The following LRRTM4 variants were observed in gnomAD, a reference collection of about 807,000 sequenced individuals.
LRRTM4 encodes the protein leucine rich repeat transmembrane neuronal 4.
A neutral mutation model predicts 47.6 loss-of-function variants in LRRTM4; 25 were observed. The ratio of observed to expected loss-of-function variants is 0.53; its 90% CI spans 0.38 to 0.73. The LOEUF is 0.73. Ranked by LOEUF, LRRTM4 falls within the 30% of genes least tolerant of loss-of-function variation. The pLI is 0.00. For missense variants in LRRTM4, 638 were observed against 713.4 expected (o/e 0.89, Z 1.20); for synonymous variants, 311 against 269.5 (o/e 1.15, Z -1.51).
intron 3 of LRRTM4, among the ~76,000 whole-genome samples, chr2:77,123,000 G>T (rs575590612): frequency 2.0e-5 from 3 of 151,792 alleles, no homozygotes; most frequent in African/African-American, 4.8e-5. Flanking sequence ...AAAATTACTG[G>T]CATGGCTCAA....
At chr2:77,309,730 GATA>G (rs1677398835) in intron 3 of LRRTM4, among the ~76,000 whole-genome samples, 6 of 130,786 alleles carry the variant, frequency 4.6e-5, no homozygotes, top group Non-Finnish European at 6.7e-5. Flanking sequence ...TAGATAGATA[GATA>G]TAACAAAAGG....
intron 3 of LRRTM4, among the ~76,000 whole-genome samples, chr2:77,294,809 C>G (rs1289587143): frequency 6.6e-6 from 1 of 151,846 alleles, no homozygotes; most frequent in Non-Finnish European, 1.5e-5. Context: ...ACAGGGAACT[C>G]GAAATGACAC....
chr2:77,358,858 T>C (rs1235340496), intron 3 of LRRTM4, among the ~76,000 whole-genome samples: 2 of 152,192 alleles, frequency 1.3e-5, no homozygotes, highest in African/African-American at 4.8e-5. Flanking sequence ...AGGGCAATTG[T>C]GTATGGTGGC....
At chr2:76,888,629 T>C (rs530645906) in intron 3 of LRRTM4, among the ~76,000 whole-genome samples, 41 of 151,930 alleles carry the variant, frequency 2.7e-4, no homozygotes, top group African/African-American at 8.7e-4. Context: ...ATTACCCAGT[T>C]TCAAATTATA....
intron 3 of LRRTM4, among the ~76,000 whole-genome samples, chr2:77,119,884 G>T (rs991659206): frequency 3.3e-5 from 5 of 151,724 alleles, no homozygotes; most frequent in Non-Finnish European, 5.9e-5. Context: ...ATTGGTCTAG[G>T]ATGTATTGTA....
chr2:77,303,573 G>A (rs1468180186), intron 3 of LRRTM4, among the ~76,000 whole-genome samples: 1 of 152,062 alleles, frequency 6.6e-6, no homozygotes. Context: ...ATACTACTCT[G>A]TCCTCAACAC....
chr2:77,073,972 C>T (rs774606428), intron 3 of LRRTM4, among the ~76,000 whole-genome samples: 24 of 151,964 alleles, frequency 1.6e-4, no homozygotes, highest in East Asian at 9.7e-4. Context: ...ATGCACTCTT[C>T]GTTAGTTCTA....
rs1460759817 is a variant in LRRTM4 at position 77,130,858 on chromosome 2, G to A, written c.1552-381942C>T. On this transcript the variant is annotated intron_variant, in intron 3 of 3. Transcript: ENST00000409884. ...TTTTTTTTTTTTTTTTTTTTGAGAC[G>A]GAGTCTCGCTCTGTCGCCCAGGCTG... Among the ~76,000 whole-genome samples the A allele has an allele frequency of 2.7e-3, 175 of 64,666 alleles. 1 individual carries two copies. The highest frequency in any genetic ancestry group is 0.011 in the African/African-American group (163 of 15,274). 42.4% of individuals were successfully genotyped at this position (64,666 alleles called of 152,430 possible).
intron 3 of LRRTM4, among the ~76,000 whole-genome samples, chr2:77,162,101 A>G (rs980441386): frequency 6.6e-6 from 1 of 152,190 alleles, no homozygotes; most frequent in Non-Finnish European, 1.5e-5. Flanking sequence ...CGGTACCTGG[A>G]AAATCAGGAC....
chr2:76,936,138 C>T (rs997023708), intron 3 of LRRTM4, among the ~76,000 whole-genome samples: 5 of 152,122 alleles, frequency 3.3e-5, no homozygotes, highest in Admixed American at 1.3e-4. Flanking sequence ...AACATGCTCA[C>T]GTATGTTTAT....
intron 3 of LRRTM4, among the ~76,000 whole-genome samples, chr2:76,827,167 G>C (rs188182993): frequency 6.6e-6 from 1 of 151,912 alleles, no homozygotes; most frequent in East Asian, 1.9e-4. Context: ...TGGCCACACT[G>C]AAGTTAAGTA....
chr2:77,367,264 A>T (rs574267474), intron 3 of LRRTM4, among the ~76,000 whole-genome samples: 71 of 137,550 alleles, frequency 5.2e-4, no homozygotes, highest in Non-Finnish European at 9.5e-4. Context: ...TGGCACTCAC[A>T]CATATTGGTG....
chr2:77,305,843 T>C (rs1407370849), intron 3 of LRRTM4, among the ~76,000 whole-genome samples: 1 of 152,094 alleles, frequency 6.6e-6, no homozygotes, highest in African/African-American at 2.4e-5. Flanking sequence ...TTCTGGAACA[T>C]CTTAAACTTT....
intron 3 of LRRTM4, among the ~76,000 whole-genome samples, chr2:77,258,902 C>CAAAACA (rs1675841208): frequency 6.6e-6 from 1 of 151,260 alleles, no homozygotes; most frequent in African/African-American, 2.4e-5. Flanking sequence ...AAAATTAAAA[C>CAAAACA]AAAACAAAAA....
chr2:77,014,649 T>C (rs567725224), intron 3 of LRRTM4, among the ~76,000 whole-genome samples: 44 of 151,854 alleles, frequency 2.9e-4, no homozygotes, highest in African/African-American at 8.4e-4. Context: ...CTGTCTTTAC[T>C]AAAAATACAA....
At chr2:77,368,395 TCTTTGAGGTACCATGAGGTA>T (rs1429413950) in intron 3 of LRRTM4, among the ~76,000 whole-genome samples, 1 of 151,776 alleles carries the variant, frequency 6.6e-6, no homozygotes, top group Non-Finnish European at 1.5e-5. Flanking sequence ...TTTTCCCTTG[TCTTTGAGGTACCATGAGGTA>T]CTCCTGAATC....
chr2:76,793,180 C>G (rs1573112445), intron 3 of LRRTM4, among the ~76,000 whole-genome samples: 1 of 152,100 alleles, frequency 6.6e-6, no homozygotes, highest in South Asian at 2.1e-4. Flanking sequence ...AATAGTGTAA[C>G]CTATTTATAC....
At chr2:76,944,629 G>A (rs1573350163) in intron 3 of LRRTM4, among the ~76,000 whole-genome samples, 1 of 151,908 alleles carries the variant, frequency 6.6e-6, no homozygotes, top group Non-Finnish European at 1.5e-5. Context: ...ACTGGGGAGG[G>A]GCAGAAGGCA....
intron 3 of LRRTM4, among the ~76,000 whole-genome samples, chr2:77,149,211 T>G (rs145373935): frequency 6.6e-6 from 1 of 152,226 alleles, no homozygotes; most frequent in Non-Finnish European, 1.5e-5. Flanking sequence ...AATTTTAATA[T>G]AAAAAATAAA....
Sources: allele counts gnomAD v4.1 joint callset (sites outside exome capture counted in the v4.1 genomes callset), GRCh38; gene constraint gnomAD v4.1.1; transcripts MANE v1.5; gene names NCBI Gene and HGNC (gene_info 2026-07-23, HGNC 2026-07-21).